The following LYSMD1 variants were observed in gnomAD, a reference collection of about 807,000 sequenced individuals.
LYSMD1 encodes LysM domain containing 1.
A neutral mutation model predicts 19.3 loss-of-function variants in LYSMD1; 9 were observed. The observed-to-expected ratio is 0.47, with a 90% CI of 0.28 to 0.81. LYSMD1 has a LOEUF of 0.81. Among genes scored for constraint, LYSMD1 ranks in the 40% least tolerant of loss-of-function variants. The pLI is 0.11. For synonymous variants in LYSMD1, 111 were observed against 111.7 expected (o/e 0.99, Z 0.04); for missense variants, 262 against 279.8 (o/e 0.94, Z 0.45).
chr1:151,155,203 C>T (rs762982945), downstream of LYSMD1, among the ~76,000 whole-genome samples: 9 of 152,174 alleles, frequency 5.9e-5, no homozygotes, highest in South Asian at 2.1e-4. Context: ...CTTATGCCGT[C>T]CCCATCATCT....
chr1:151,151,932 A>G, the LYSMD1 span, among the ~76,000 whole-genome samples: 4,477 of 150,278 alleles, frequency 0.03, 170 homozygotes, highest in African/African-American at 0.1. Context: ...TCCATCTTAA[A>G]AAAAAAAAAA....
rs1291231095 is a variant in LYSMD1 at position 151,161,980 on chromosome 1, C to T, written c.301G>A (p.Glu101Lys). ...RDLFNGLDSE[E>K]EKDGEEKVHP... ...ACTTTTTCCTCTCCATCTTTCTCTT[C>T]CTCAGAGTCCAAACCATTGAACAGG... The change falls in exon 2 of 3, where the codon GAA (glutamate) becomes AAA (lysine). Residue 101 changes from glutamate (E) to lysine (K), a missense_variant. Physicochemically the swap from Glu to Lys is moderately conservative, Grantham distance 56 (BLOSUM62 1). Transcript: ENST00000368908. The T allele has an allele frequency of 6.2e-7, 1 of 1,614,128 alleles. No homozygotes were observed.
the LYSMD1 span, among the ~76,000 whole-genome samples, chr1:151,154,561 A>G: frequency 1.0e-3 from 156 of 152,150 alleles, no homozygotes; most frequent in African/African-American, 3.4e-3. Flanking sequence ...GAAAACAGGT[A>G]AAGACTAGGT....
chr1:151,161,930 C>T lies in LYSMD1; in HGVS notation c.351G>A (p.Trp117Ter). Residue 117 changes from tryptophan (W) to a stop codon, truncating the protein, a stop_gained, in exon 2 of 3, where the codon TGG (tryptophan) becomes TGA (stop). Coordinates refer to ENST00000368908, the MANE Select transcript of LYSMD1 (RefSeq NM_212551.5). LOFTEE classifies it high-confidence loss of function. ...EKVHPSNSEV[W>*]PHSTERKKQE... ...GTTTCTTCCTCTCAGTTGAGTGTGG[C>T]CAAACTTCACTGTTACTTGGGTGTA... is the stretch of plus-strand genomic sequence containing the variant. 6.2e-7 allele frequency: 1 copy of T among 1,614,086 alleles called. No individual in the cohort carries two copies. The highest frequency in any genetic ancestry group is 8.5e-7 in the Non-Finnish European group (1 of 1,180,012).
the LYSMD1 span, among the ~76,000 whole-genome samples, chr1:151,153,902 G>A: frequency 1.3e-5 from 2 of 151,306 alleles, no homozygotes; most frequent in South Asian, 2.1e-4. Context: ...GCAGTGAGCC[G>A]AGATTGCACC....
At chr1:151,158,844 C>T (rs1280131720), downstream of LYSMD1, 2 of 1,614,154 alleles carry the variant, frequency 1.2e-6, no homozygotes, top group Non-Finnish European at 1.7e-6. Flanking sequence ...CCAAGGAGTA[C>T]ACGCACAGCC....
chr1:151,160,279 T>C lies in LYSMD1; in HGVS notation c.*603A>G, dbSNP rs1233461797. 1 of 57,342 alleles carries C rather than the reference T, an allele frequency of 1.7e-5. No individual in the cohort carries two copies. The highest frequency in any genetic ancestry group is 6.4e-4 in the East Asian group (1 of 1,554). The allele number at this position is 57,342 out of a possible 1,614,324, so 3.6% of individuals were successfully genotyped here. On this transcript the variant is annotated 3_prime_UTR_variant, in exon 3 of 3. Transcript: ENST00000368908. ...AAGAATCAGCCCAAATCTGTCACTT[T>C]GAGATTGGAGAAAAGGCCAACAGTC...
At chr1:151,154,716 G>C in the LYSMD1 span, among the ~76,000 whole-genome samples, 1 of 151,902 alleles carries the variant, frequency 6.6e-6, no homozygotes, top group African/African-American at 2.4e-5. Flanking sequence ...CGCGATCTCG[G>C]CTCACTACAA....
the LYSMD1 span, among the ~76,000 whole-genome samples, chr1:151,154,104 A>C: frequency 6.6e-6 from 1 of 152,228 alleles, no homozygotes; most frequent in Non-Finnish European, 1.5e-5. Flanking sequence ...CTTTCAGCAC[A>C]TATTTATTGA....
At chr1:151,162,140 T>C in intron 1 of LYSMD1, 40 bp from the exon 2 acceptor site, 1 of 1,566,252 alleles carries the variant, frequency 6.4e-7, no homozygotes, top group Non-Finnish European at 8.6e-7. Context: ...ACAGTAATAA[T>C]GATCAATCTT....
At chr1:151,149,239 A>G in the LYSMD1 span, among the ~76,000 whole-genome samples, 4 of 151,644 alleles carry the variant, frequency 2.6e-5, no homozygotes, top group African/African-American at 9.7e-5. Context: ...TAAAAATACA[A>G]AAAAAAATTA....
downstream of LYSMD1, chr1:151,158,932 T>C (rs1572063343): frequency 6.2e-7 from 1 of 1,614,238 alleles, no homozygotes; most frequent in Non-Finnish European, 8.5e-7. Context: ...CAATGGCTCC[T>C]TTGGCCCCAG....
rs1401366307 is a variant in LYSMD1 at position 151,161,008 on chromosome 1, C to G, written c.558G>C (p.Glu186Asp). 6.2e-7 allele frequency: 1 copy of G among 1,613,982 alleles called. No individual in the cohort carries two copies. The highest frequency in any genetic ancestry group is 1.3e-5 in the African/African-American group (1 of 74,936). ...LKKGENGVPGEDAGLHLSSPW... is the reference protein window; with the variant it reads ...LKKGENGVPGDDAGLHLSSPW... ...GGGAGCTCAGGTGGAGACCTGCATC[C>G]TCCCCAGGTACCCTGCAATTGAGGA... is the stretch of plus-strand genomic sequence containing the variant. The change falls in exon 3 of 3, where the codon GAG becomes GAC. Residue 186 changes from glutamate to aspartate, a missense_variant. Coordinates refer to ENST00000368908, the MANE Select transcript of LYSMD1 (RefSeq NM_212551.5).
chr1:151,150,232 C>T, the LYSMD1 span, among the ~76,000 whole-genome samples: 1,940 of 152,228 alleles, frequency 0.013, 18 homozygotes, highest in Non-Finnish European at 0.018. Flanking sequence ...CTGGGATTAC[C>T]GGCGTCAGCC....
chr1:151,153,638 G>C, the LYSMD1 span, among the ~76,000 whole-genome samples: 2 of 150,552 alleles, frequency 1.3e-5, no homozygotes, highest in Middle Eastern at 3.5e-3. Flanking sequence ...CTGGGTGACA[G>C]AGCGAGACTC....
Position 151,160,957 on chromosome 1 carries a change from T to C in LYSMD1, c.609A>G (p.Leu203=), listed in dbSNP as rs1269978751. Residue 203 remains leucine, a synonymous_variant, in exon 3 of 3, where the codon CTA becomes CTG. Transcript: ENST00000368908. ...AGGTACGGGTCAGCGGCACAGGACC[T>C]AGGACTGCTCGTTGCTGCATCCAAG... is the stretch of plus-strand genomic sequence containing the variant. The part of the protein sequence containing the change: ...SSPWMQQRAV[L]GPVPLTRTSR... 3.7e-6 allele frequency: 6 copies of C among 1,614,196 alleles called. No individual in the cohort carries two copies. The highest frequency in any genetic ancestry group is 5.1e-6 in the Non-Finnish European group (6 of 1,180,018).
Position 151,165,233 on chromosome 1 carries a change from G to A in LYSMD1, c.26C>T (p.Pro9Leu), listed in dbSNP as rs1370240871. ...TTGAAGCAGTCCTGACCCCCCTGGC[G>A]GGGGCTGTCTAGACGGGGAAGCCAT... MASPSRQP[P>L]PGGSGLLQGS... Residue 9 changes from proline (P) to leucine (L), a missense_variant, in exon 1 of 3, where the codon CCG (proline) becomes CTG (leucine). Pro to Leu is a moderately conservative substitution (Grantham distance 98, BLOSUM62 -3). Transcript: ENST00000368908. 1.2e-6 allele frequency: 2 copies of A among 1,613,878 alleles called. No individual in the cohort carries two copies. The highest frequency in any genetic ancestry group is 1.7e-5 in the Admixed American group (1 of 59,980).
chr1:151,151,858 G>A, the LYSMD1 span, among the ~76,000 whole-genome samples: 4 of 151,172 alleles, frequency 2.6e-5, no homozygotes, highest in Non-Finnish European at 4.4e-5. Context: ...GAACCCGGGA[G>A]GTGGAGGTTG....
chr1:151,160,770 G>T lies in LYSMD1; in HGVS notation c.*112C>A. 1 of 1,331,878 alleles carries T rather than the reference G, an allele frequency of 7.5e-7. No individual in the cohort carries two copies. 82.5% of individuals were successfully genotyped at this position (1,331,878 alleles called of 1,614,324 possible). Reference sequence around the variant, plus strand: ...GACAAGGAGGCTGGGGAGGATGGCTGGAGTGGAGGGAGGCAGGCTCATAAG... The same window carrying T: ...GACAAGGAGGCTGGGGAGGATGGCTTGAGTGGAGGGAGGCAGGCTCATAAG... On this transcript the variant is annotated 3_prime_UTR_variant, in exon 3 of 3. Coordinates refer to ENST00000368908, the MANE Select transcript of LYSMD1 (RefSeq NM_212551.5).
Sources: allele counts gnomAD v4.1 joint callset (sites outside exome capture counted in the v4.1 genomes callset), GRCh38; gene constraint gnomAD v4.1.1; transcripts MANE v1.5; gene names NCBI Gene and HGNC (gene_info 2026-07-23, HGNC 2026-07-21).